SAMMSON: variants seen among roughly 807,000 people sequenced by gnomAD.
The protein encoded by SAMMSON is survival associated mitochondrial melanoma specific oncogenic non-coding RNA, also known as long intergenic non-protein coding RNA 1212.
intron 3 of SAMMSON, among the ~76,000 whole-genome samples, chr3:70,042,899 C>T (rs904544460): frequency 2.0e-5 from 3 of 152,064 alleles, no homozygotes; most frequent in Non-Finnish European, 2.9e-5. Flanking sequence ...CTAGAAATTG[C>T]ATTCCCTCTC....
intron 3 of SAMMSON, among the ~76,000 whole-genome samples, chr3:70,057,402 C>T (rs1272628011): frequency 1.3e-5 from 2 of 151,920 alleles, no homozygotes; most frequent in Admixed American, 6.6e-5. Context: ...GGATTATTCT[C>T]GTGGGACTAA....
intron 4 of SAMMSON, among the ~76,000 whole-genome samples, chr3:70,177,120 A>G (rs1011441862): frequency 2.0e-5 from 3 of 152,220 alleles, no homozygotes; most frequent in African/African-American, 7.2e-5. Flanking sequence ...TAGAGAATAT[A>G]TATACATCTA....
intron 4 of SAMMSON, among the ~76,000 whole-genome samples, chr3:70,196,169 T>C (rs888772756): frequency 3.9e-5 from 6 of 152,210 alleles, no homozygotes; most frequent in Non-Finnish European, 5.9e-5. Context: ...TTGCACATAA[T>C]TCTCATTTAT....
At chr3:70,153,549 A>G (rs1389557621) in intron 4 of SAMMSON, among the ~76,000 whole-genome samples, 1 of 152,066 alleles carries the variant, frequency 6.6e-6, no homozygotes, top group Non-Finnish European at 1.5e-5. Context: ...CCTGGGGAAC[A>G]TGAAAGAGAT....
intron 3 of SAMMSON, chr3:70,014,173 G>A (rs2066971180): frequency 6.6e-6 from 1 of 152,108 alleles, no homozygotes; most frequent in Non-Finnish European, 1.5e-5. Flanking sequence ...TTTCCAAAGC[G>A]GAGAGAGAAC....
chr3:70,211,102 A>G (rs1701340512), intron 4 of SAMMSON, among the ~76,000 whole-genome samples: 2 of 152,132 alleles, frequency 1.3e-5, no homozygotes, highest in Admixed American at 1.3e-4. Context: ...AGATAAAAGC[A>G]TTCAAATGAT....
chr3:70,010,699 T>C (rs2066950440), intron 1 of SAMMSON, among the ~76,000 whole-genome samples: 1 of 111,392 alleles, frequency 9.0e-6, no homozygotes, highest in Non-Finnish European at 1.8e-5. Context: ...AAAGAACTTT[T>C]ACTGCTTTCC....
intron 4 of SAMMSON, among the ~76,000 whole-genome samples, chr3:70,232,404 ATT>A (rs200752002): frequency 4.1e-5 from 6 of 145,050 alleles, no homozygotes; most frequent in South Asian, 2.2e-4. Context: ...TGATGTTCCT[ATT>A]TTTTTTTTTT....
chr3:70,054,604 A>ATT (rs1048568841), intron 3 of SAMMSON, among the ~76,000 whole-genome samples: 10 of 152,100 alleles, frequency 6.6e-5, no homozygotes, highest in African/African-American at 2.4e-4. Context: ...GTCACCATGT[A>ATT]TAACATTAAC....
intron 4 of SAMMSON, among the ~76,000 whole-genome samples, chr3:70,101,181 AC>A (rs2067344476): frequency 6.6e-6 from 1 of 152,054 alleles, no homozygotes; most frequent in Admixed American, 6.6e-5. Context: ...CACTGTAGCT[AC>A]CCCCTCCTCC....
intron 6 of SAMMSON, among the ~76,000 whole-genome samples, chr3:70,260,972 T>C (rs560495951): frequency 6.6e-6 from 1 of 152,296 alleles, no homozygotes; most frequent in South Asian, 2.1e-4. Flanking sequence ...GTTTATAATA[T>C]TTGCAGAACT....
intron 6 of SAMMSON, among the ~76,000 whole-genome samples, chr3:70,270,106 A>T (rs1701962322): frequency 6.6e-6 from 1 of 152,214 alleles, no homozygotes. Flanking sequence ...TAATGATGCC[A>T]TCCACAGCAT....
At position 70,054,778 on chromosome 3, in the gene SAMMSON, A is replaced by G. The variant is rs576586871; in HGVS notation, n.418-16698A>G. ...GATGAGGACTGTGGTCAGCTAGAAA[A>G]AGTTCGGGACTAATCTCAACAGGGA... On this transcript the variant is annotated intron_variant and non_coding_transcript_variant, in intron 3 of 9. Transcript: ENST00000642114. Among the ~76,000 whole-genome samples, 9 of 152,102 alleles carry G rather than the reference A, an allele frequency of 5.9e-5. No homozygotes were observed. The East Asian group carries it at 1.7e-3, about 30-fold the overall frequency.
intron 4 of SAMMSON, among the ~76,000 whole-genome samples, chr3:70,224,566 A>G (rs926199582): frequency 4.6e-5 from 7 of 152,306 alleles, no homozygotes; most frequent in Admixed American, 1.3e-4. Context: ...AATTTCCGCA[A>G]TGCTCACTAA....
intron 4 of SAMMSON, among the ~76,000 whole-genome samples, chr3:70,134,087 CAAAAAAA>C (rs1157606808): frequency 8.4e-4 from 51 of 60,574 alleles, no homozygotes; most frequent in Non-Finnish European, 1.1e-3. Flanking sequence ...ACTGAAAATA[CAAAAAAA>C]AAAAAAAAAA....
chr3:70,423,817 AC>A (rs1701332309), intron 2 of SAMMSON, among the ~76,000 whole-genome samples: 1 of 152,144 alleles, frequency 6.6e-6, no homozygotes, highest in African/African-American at 2.4e-5. Flanking sequence ...TAATACAGAA[AC>A]TCTAAGACTG....
chr3:70,371,726 T>C (rs1464372863), intron 9 of SAMMSON, among the ~76,000 whole-genome samples: 1 of 152,090 alleles, frequency 6.6e-6, no homozygotes, highest in Non-Finnish European at 1.5e-5. Context: ...AATCTAAGAG[T>C]TTCTTCGTGG....
chr3:70,034,032 GA>G (rs1490424537), intron 3 of SAMMSON, among the ~76,000 whole-genome samples: 1 of 151,918 alleles, frequency 6.6e-6, no homozygotes, highest in Non-Finnish European at 1.5e-5. Context: ...TATTTAGGGA[GA>G]AAAAATGGAG....
rs139498581 is a variant in SAMMSON at position 70,201,763 on chromosome 3, G to T, written n.508-47344G>T. Among the ~76,000 whole-genome samples the T allele has an allele frequency of 1.5e-3, 233 of 152,254 alleles. 1 individual carries two copies. The highest frequency in any genetic ancestry group is 5.2e-3 in the African/African-American group (215 of 41,556). On this transcript the variant is annotated intron_variant and non_coding_transcript_variant, in intron 4 of 9. Transcript: ENST00000642114. Reference sequence around the variant, plus strand: ...ACAGGCCACTACCAGCTTCTTGATGGCCTGCTTCCCTCTCCATTCCCTCCT... The same window carrying T: ...ACAGGCCACTACCAGCTTCTTGATGTCCTGCTTCCCTCTCCATTCCCTCCT...
Sources: gnomAD v4.1 joint callset for allele counts (sites outside exome capture counted in the v4.1 genomes callset) on GRCh38, gnomAD v4.1.1 for gene constraint, MANE v1.5 for transcripts, NCBI Gene and HGNC (gene_info 2026-07-23, HGNC 2026-07-21) for gene names.